The following ZNF892 variants were observed in gnomAD, a reference collection of about 807,000 sequenced individuals.
ZNF892 encodes the protein zinc finger protein 570-like.
chr2:95,210,209 G>T, the ZNF892 span, among the ~76,000 whole-genome samples: 1 of 146,196 alleles, frequency 6.8e-6, no homozygotes, highest in Non-Finnish European at 1.5e-5. Flanking sequence ...ATGTATATAT[G>T]TGTATATATG....
chr2:95,244,464 A>G, the ZNF892 span, among the ~76,000 whole-genome samples: 1 of 152,226 alleles, frequency 6.6e-6, no homozygotes, highest in South Asian at 2.1e-4. Context: ...GCATTACGTA[A>G]TGGTAACGCA....
chr2:95,220,926 C>G, the ZNF892 span, among the ~76,000 whole-genome samples: 1 of 152,124 alleles, frequency 6.6e-6, no homozygotes, highest in Non-Finnish European at 1.5e-5. Flanking sequence ...GAGAACTGGA[C>G]TCAGAATTTT....
the ZNF892 span, among the ~76,000 whole-genome samples, chr2:95,216,499 T>C: frequency 2.0e-5 from 3 of 152,222 alleles, no homozygotes; most frequent in Non-Finnish European, 2.9e-5. Context: ...TTTTTATAGC[T>C]TATAGTAAAG....
chr2:95,224,876 G>T, the ZNF892 span, among the ~76,000 whole-genome samples: 1 of 152,300 alleles, frequency 6.6e-6, no homozygotes, highest in East Asian at 1.9e-4. Flanking sequence ...ACAGGAGTGG[G>T]TTCCTTACAA....
chr2:95,255,319 C>T, the ZNF892 span, among the ~76,000 whole-genome samples: 2 of 152,144 alleles, frequency 1.3e-5, no homozygotes, highest in Non-Finnish European at 2.9e-5. Flanking sequence ...TTTATTTCTG[C>T]CTTCATTTCG....
chr2:95,232,031 G>T, the ZNF892 span: 1 of 152,148 alleles, frequency 6.6e-6, no homozygotes, highest in African/African-American at 2.4e-5. Context: ...ACATTTGCAG[G>T]TATTCAAAAG....
At chr2:95,217,410 C>T in the ZNF892 span, among the ~76,000 whole-genome samples, 3 of 152,198 alleles carry the variant, frequency 2.0e-5, no homozygotes, top group East Asian at 1.9e-4. Context: ...TCCATTCCAA[C>T]AGCCCCCAAA....
the ZNF892 span, among the ~76,000 whole-genome samples, chr2:95,242,589 T>C: frequency 6.6e-6 from 1 of 152,208 alleles, no homozygotes; most frequent in South Asian, 2.1e-4. Flanking sequence ...CATAAACAAG[T>C]CTGCAATATA....
chr2:95,231,092 C>T, the ZNF892 span, among the ~76,000 whole-genome samples: 4 of 152,080 alleles, frequency 2.6e-5, no homozygotes, highest in South Asian at 2.1e-4. Context: ...GATGTTTGCC[C>T]GAGAGAAATG....
the ZNF892 span, among the ~76,000 whole-genome samples, chr2:95,241,330 T>C: frequency 6.6e-6 from 1 of 152,074 alleles, no homozygotes; most frequent in South Asian, 2.1e-4. Flanking sequence ...ACTGGTGATA[T>C]CTCCAGGCAC....
the ZNF892 span, among the ~76,000 whole-genome samples, chr2:95,239,294 T>A: frequency 1.9e-4 from 29 of 152,320 alleles, no homozygotes; most frequent in Admixed American, 9.8e-4. Context: ...CTGGTGAAGA[T>A]GCTGTGAACA....
chr2:95,247,725 C>A, the ZNF892 span, among the ~76,000 whole-genome samples: 6 of 152,026 alleles, frequency 3.9e-5, no homozygotes, highest in Admixed American at 2.0e-4. Flanking sequence ...AAGTGGCCAA[C>A]AAACATATGA....
At chr2:95,250,809 A>G in the ZNF892 span, among the ~76,000 whole-genome samples, 3 of 145,996 alleles carry the variant, frequency 2.1e-5, no homozygotes, top group Non-Finnish European at 4.5e-5. Flanking sequence ...TTCATAAATT[A>G]TAAATAATTA....
At chr2:95,255,483 A>G in the ZNF892 span, among the ~76,000 whole-genome samples, 1 of 151,994 alleles carries the variant, frequency 6.6e-6, no homozygotes, top group East Asian at 1.9e-4. Flanking sequence ...TTTGCTGAGG[A>G]GTGCTTTACT....
the ZNF892 span, among the ~76,000 whole-genome samples, chr2:95,237,711 G>A: frequency 6.6e-6 from 1 of 152,242 alleles, no homozygotes; most frequent in Non-Finnish European, 1.5e-5. Flanking sequence ...CAAACAGTTA[G>A]CGAAGTTGTG....
chr2:95,226,680 T>C, the ZNF892 span, among the ~76,000 whole-genome samples: 1 of 152,244 alleles, frequency 6.6e-6, no homozygotes, highest in African/African-American at 2.4e-5. Flanking sequence ...AATGCCAAAC[T>C]CTCCTTGGGA....
chr2:95,243,728 A>G, the ZNF892 span, among the ~76,000 whole-genome samples: 1 of 149,326 alleles, frequency 6.7e-6, no homozygotes, highest in Non-Finnish European at 1.5e-5. Context: ...TGCGGGGGTC[A>G]GCACCCCGCC....
At chr2:95,230,027 A>G in the ZNF892 span, among the ~76,000 whole-genome samples, 1 of 152,158 alleles carries the variant, frequency 6.6e-6, no homozygotes, top group Non-Finnish European at 1.5e-5. Flanking sequence ...ATATATATAT[A>G]TATACCATGG....
chr2:95,219,095 T>A, the ZNF892 span, among the ~76,000 whole-genome samples: 3 of 152,130 alleles, frequency 2.0e-5, no homozygotes, highest in African/African-American at 7.2e-5. Context: ...ACCTCCCAGG[T>A]TCACGCCATT....
Sources: gnomAD v4.1 joint callset for allele counts (sites outside exome capture counted in the v4.1 genomes callset) on GRCh38, gnomAD v4.1.1 for gene constraint, MANE v1.5 for transcripts, NCBI Gene and HGNC (gene_info 2026-07-23, HGNC 2026-07-21) for gene names.